The following MEI4 variants were observed in gnomAD, a reference collection of about 807,000 sequenced individuals.
MEI4 encodes the protein meiotic double-stranded break formation protein 4.
A neutral mutation model predicts 31.4 loss-of-function variants in MEI4; 27 were observed. The observed-to-expected ratio is 0.86, with a 90% CI of 0.63 to 1.19. The LOEUF is 1.19. Among genes scored for constraint, MEI4 ranks in the 50% most tolerant of loss-of-function variants. The pLI is 0.00. For synonymous variants in MEI4, 122 were observed against 145.4 expected, an observed-to-expected ratio of 0.84 and a Z score of 1.16; for missense variants, 329 against 398.9, an observed-to-expected ratio of 0.82 and a Z score of 1.49.
intron 3 of MEI4, among the ~76,000 whole-genome samples, chr6:77,788,338 G>C (rs1464866037): frequency 6.6e-6 from 1 of 152,066 alleles, no homozygotes; most frequent in Non-Finnish European, 1.5e-5. Flanking sequence ...TTTGAAAACT[G>C]GCACAAGACA....
chr6:77,786,215 A>C (rs909647933), intron 3 of MEI4, among the ~76,000 whole-genome samples: 1 of 152,128 alleles, frequency 6.6e-6, no homozygotes, highest in Non-Finnish European at 1.5e-5. Flanking sequence ...TGTTGGGGAA[A>C]TTACATATAT....
At chr6:77,674,064 A>C (rs1768796527) in intron 1 of MEI4, among the ~76,000 whole-genome samples, 3 of 152,230 alleles carry the variant, frequency 2.0e-5, no homozygotes, top group African/African-American at 7.2e-5. Flanking sequence ...GGTAGAACTG[A>C]AATGTAATGT....
chr6:77,715,977 CCA>C (rs1766573714), intron 2 of MEI4, among the ~76,000 whole-genome samples: 2 of 151,844 alleles, frequency 1.3e-5, no homozygotes. Context: ...TTATGTGATT[CCA>C]CAGTGACATA....
chr6:77,804,180 C>T (rs1223370059), intron 3 of MEI4, among the ~76,000 whole-genome samples: 2 of 152,154 alleles, frequency 1.3e-5, no homozygotes, highest in East Asian at 3.9e-4. Context: ...GGCGGACGCC[C>T]CTCCCCCAGC....
rs567051536 is a variant in MEI4, at chr6:77,924,018, G to A, written c.*672G>A. The A allele has an allele frequency of 7.9e-5, 12 of 151,486 alleles. No individual in the cohort carries two copies. The highest frequency in any genetic ancestry group is 1.2e-4 in the Non-Finnish European group (8 of 67,760). 9.4% of individuals were successfully genotyped at this position (151,486 alleles called of 1,614,324 possible). On this transcript the variant is annotated 3_prime_UTR_variant, in exon 5 of 5. Coordinates refer to ENST00000684080, the MANE Select transcript of MEI4 (RefSeq NM_001322247.2). ...TGTTTCAATTCTGTTAATTAAATAT[G>A]TTATAATAGTCTTGTAATTGTTAAA...
intron 3 of MEI4, among the ~76,000 whole-genome samples, chr6:77,770,159 G>T (rs1479584900): frequency 6.6e-6 from 1 of 151,938 alleles, no homozygotes; most frequent in African/African-American, 2.4e-5. Flanking sequence ...CAATACCTCA[G>T]AAATTCAAAG....
intron 4 of MEI4, among the ~76,000 whole-genome samples, chr6:77,884,235 T>C (rs974285781): frequency 3.8e-4 from 58 of 152,198 alleles, no homozygotes; most frequent in Admixed American, 9.2e-4. Flanking sequence ...TGGAATTCTG[T>C]GTATATTCTG....
intron 4 of MEI4, among the ~76,000 whole-genome samples, chr6:77,854,368 T>C (rs186943592): frequency 3.1e-4 from 46 of 150,542 alleles, no homozygotes; most frequent in African/African-American, 1.1e-3. Context: ...ATAGAAAAAA[T>C]GAATAATGTA....
rs9448229 is a variant in MEI4, at chr6:77,820,544, T to G, written c.769-8387T>G. ...GCCTCCCAAATTGCTGGGATTACAGTCATGAGCCACTGTGCCCGGCCGGTT... is the reference window on the plus strand; with the variant it reads ...GCCTCCCAAATTGCTGGGATTACAGGCATGAGCCACTGTGCCCGGCCGGTT... On this transcript the variant is annotated intron_variant, in intron 3 of 4. Coordinates refer to ENST00000684080, the MANE Select transcript of MEI4 (RefSeq NM_001322247.2). This position sits in a 1 kb window ranked among gnomAD's most constrained non-coding sequence, Gnocchi z 4.5. 0.83 allele frequency among the ~76,000 whole-genome samples: 126,540 copies of G among 152,178 alleles called. 53,104 individuals carry two copies. Among genetic ancestry groups the G allele is most frequent in the East Asian group, 0.95 (4,911 of 5,170 alleles).
chr6:77,689,883 A>G (rs947120485), intron 1 of MEI4, among the ~76,000 whole-genome samples: 1 of 152,032 alleles, frequency 6.6e-6, no homozygotes, highest in Non-Finnish European at 1.5e-5. Flanking sequence ...ATGATAATCT[A>G]ATAAAGCCTG....
At chr6:77,790,088 A>T (rs929573745) in intron 3 of MEI4, among the ~76,000 whole-genome samples, 2 of 151,992 alleles carry the variant, frequency 1.3e-5, no homozygotes, top group Non-Finnish European at 2.9e-5. Flanking sequence ...AAAAATGATG[A>T]GTTCATGTCC....
At chr6:77,758,646 G>A (rs994562597) in intron 2 of MEI4, among the ~76,000 whole-genome samples, 2 of 151,900 alleles carry the variant, frequency 1.3e-5, no homozygotes, top group Non-Finnish European at 1.5e-5. Context: ...TTTTTCCTTC[G>A]GCTTAGAGAA....
At chr6:77,677,588 G>A (rs568449626) in intron 1 of MEI4, among the ~76,000 whole-genome samples, 2 of 152,206 alleles carry the variant, frequency 1.3e-5, no homozygotes, top group African/African-American at 4.8e-5. Flanking sequence ...TCATTTCTCA[G>A]ACAGAAGTAG....
At chr6:77,764,376 T>C (rs1267720128) in intron 3 of MEI4, among the ~76,000 whole-genome samples, 1 of 152,176 alleles carries the variant, frequency 6.6e-6, no homozygotes, top group African/African-American at 2.4e-5. Flanking sequence ...CCAAGGGTTG[T>C]CAATTATCTT....
rs548154189 is a variant in MEI4, at chr6:77,752,382, C to CCCCAAA, written c.233-8748_233-8747insCCCAAA. 1.4e-3 allele frequency among the ~76,000 whole-genome samples: 212 copies of CCCCAAA among 151,052 alleles called. 1 individual carries two copies. The highest frequency in any genetic ancestry group is 4.5e-3 in the African/African-American group (187 of 41,422). ...TATTTAGAAACCCCCATTGTCTCAG[C>CCCCAAA]TGTCTTAAGCTGATAAGCAACTTCA... On this transcript the variant is annotated intron_variant, in intron 2 of 4. Transcript: ENST00000684080.
At chr6:77,841,137 T>C (rs992701570) in intron 4 of MEI4, among the ~76,000 whole-genome samples, 1 of 151,606 alleles carries the variant, frequency 6.6e-6, no homozygotes, top group Non-Finnish European at 1.5e-5. Flanking sequence ...TTACATTATT[T>C]AAAAACATAT....
rs952593561 is a variant in MEI4, at chr6:77,743,280, A to G, written c.233-17850A>G. ...ATGGAATGTTCTTCCATTTGTTTGT[A>G]TCCTCTTTTATTTCCTTGAGCAGTG... On this transcript the variant is annotated intron_variant, in intron 2 of 4. Transcript: ENST00000684080. Among the ~76,000 whole-genome samples, 38 of 151,990 alleles carry G rather than the reference A, an allele frequency of 2.5e-4. 1 individual carries two copies. The highest frequency in any genetic ancestry group is 8.9e-4 in the African/African-American group (37 of 41,362).
At chr6:77,666,541 C>T (rs1768636439) in intron 1 of MEI4, among the ~76,000 whole-genome samples, 1 of 152,092 alleles carries the variant, frequency 6.6e-6, no homozygotes, top group African/African-American at 2.4e-5. Context: ...GTCTCCTCAG[C>T]AACTTTATAA....
rs1387365866 is a variant in MEI4 at position 77,788,337 on chromosome 6, T to G, written c.768+26672T>G. Among the ~76,000 whole-genome samples the G allele has an allele frequency of 3.3e-5, 5 of 152,120 alleles. No homozygotes were observed. The East Asian group carries it at 5.8e-4, about 18-fold the overall frequency. On this transcript the variant is annotated intron_variant, in intron 3 of 4. Transcript: ENST00000684080. Reference sequence around the variant, plus strand: ...AACTTGAAGCATTCCCTTTGAAAACTGGCACAAGACAGGGATGCCCTCTCT... The same window carrying G: ...AACTTGAAGCATTCCCTTTGAAAACGGGCACAAGACAGGGATGCCCTCTCT...
Sources: allele counts gnomAD v4.1 joint callset (sites outside exome capture counted in the v4.1 genomes callset), GRCh38; gene constraint gnomAD v4.1.1; non-coding constraint Gnocchi (gnomAD v3.1); transcripts MANE v1.5; gene names NCBI Gene and HGNC (gene_info 2026-07-23, HGNC 2026-07-21).